Variants in HMG20A observed in about 807,000 individuals in gnomAD.
The protein encoded by HMG20A is high mobility group protein 20A.
In HMG20A, 17 loss-of-function variants were observed where a neutral mutation model predicts 43.9. The ratio of observed to expected loss-of-function variants is 0.39; its 90% confidence interval spans 0.27 to 0.58. The LOEUF is 0.58. Among genes scored for constraint, HMG20A ranks in the 20% least tolerant of loss-of-function variants. HMG20A has a pLI of 0.59. For synonymous variants in HMG20A, 132 were observed against 147.5 expected, an observed-to-expected ratio of 0.89 and a Z score of 0.76; for missense variants, 341 against 438.2, an observed-to-expected ratio of 0.78 and a Z score of 1.98.
chr15:77,489,999 G>A (rs2072964211), downstream of HMG20A, among the ~76,000 whole-genome samples: 1 of 152,124 alleles, frequency 6.6e-6, no homozygotes, highest in African/African-American at 2.4e-5. Flanking sequence ...CTCTAGGCCG[G>A]GCGTGGTGGC....
chr15:77,472,550 A>G (rs1197050331), intron 6 of HMG20A, among the ~76,000 whole-genome samples: 1 of 152,248 alleles, frequency 6.6e-6, no homozygotes, highest in African/African-American at 2.4e-5. Context: ...CTGGGATTAC[A>G]GGCGTGAGCC....
intron 2 of HMG20A, among the ~76,000 whole-genome samples, chr15:77,461,002 A>G (rs2072699832): frequency 6.6e-6 from 1 of 152,168 alleles, no homozygotes; most frequent in Non-Finnish European, 1.5e-5. Context: ...GAAAAAGAAA[A>G]AAAAGTCAGA....
chr15:77,475,201 A>C (rs1456755826), intron 6 of HMG20A, among the ~76,000 whole-genome samples: 1 of 152,122 alleles, frequency 6.6e-6, no homozygotes, highest in Non-Finnish European at 1.5e-5. Flanking sequence ...CCCCAGAAGG[A>C]TCCTCTCCAT....
At chr15:77,467,372 G>C (rs2072766491) in intron 4 of HMG20A, 65 bp downstream of exon 4, 2 of 1,343,560 alleles carry the variant, frequency 1.5e-6, no homozygotes. Context: ...ACTTATATAA[G>C]AAAAGCAAAG....
chr15:77,470,734 A>G (rs1398804765), intron 4 of HMG20A, among the ~76,000 whole-genome samples, 176 bp from the exon 5 acceptor site: 2 of 152,172 alleles, frequency 1.3e-5, no homozygotes, highest in African/African-American at 2.4e-5. Context: ...TATAATTGAG[A>G]GGTTATATTT....
chr15:77,478,906 C>T (rs971424083), intron 8 of HMG20A, among the ~76,000 whole-genome samples: 3 of 152,194 alleles, frequency 2.0e-5, no homozygotes, highest in African/African-American at 7.2e-5. Context: ...TATACTCTTT[C>T]ATTTTGAAGA....
chr15:77,519,023 C>A, the HMG20A span, among the ~76,000 whole-genome samples: 8 of 152,204 alleles, frequency 5.3e-5, no homozygotes, highest in Non-Finnish European at 1.0e-4. Context: ...AATGTCTATA[C>A]CCCATTTCCT....
At chr15:77,450,852 A>G (rs1420430814) in intron 1 of HMG20A, among the ~76,000 whole-genome samples, 1 of 152,168 alleles carries the variant, frequency 6.6e-6, no homozygotes, top group African/African-American at 2.4e-5. Context: ...CATCCTTGCC[A>G]GCATTTGGTG....
At chr15:77,462,811 C>T (rs1481199286) in intron 2 of HMG20A, among the ~76,000 whole-genome samples, 1 of 132,466 alleles carries the variant, frequency 7.5e-6, no homozygotes, top group African/African-American at 2.9e-5. Context: ...CTTACTCTGT[C>T]ACCCAGGTTG....
chr15:77,432,104 T>C (rs930381137), intron 1 of HMG20A, among the ~76,000 whole-genome samples: 24 of 152,236 alleles, frequency 1.6e-4, no homozygotes, highest in African/African-American at 5.5e-4. Context: ...AGTGCAGATA[T>C]CTTTTCAACA....
At chr15:77,424,700 T>C (rs2073407073) in intron 1 of HMG20A, among the ~76,000 whole-genome samples, 1 of 152,198 alleles carries the variant, frequency 6.6e-6, no homozygotes, top group Admixed American at 6.5e-5. Context: ...GCTCACACAG[T>C]TGTCAAGATT....
chr15:77,452,928 TA>T (rs2072617822), intron 1 of HMG20A, among the ~76,000 whole-genome samples: 1 of 152,138 alleles, frequency 6.6e-6, no homozygotes, highest in Non-Finnish European at 1.5e-5. Context: ...AACCCAATTT[TA>T]AAAATGAGCA....
chr15:77,473,900 T>C (rs1456669708), intron 6 of HMG20A, among the ~76,000 whole-genome samples: 1 of 152,236 alleles, frequency 6.6e-6, no homozygotes, highest in Admixed American at 6.5e-5. Context: ...AAAGCTCCTT[T>C]AGTAAGCGTG....
At chr15:77,433,046 T>C (rs995370712) in intron 1 of HMG20A, among the ~76,000 whole-genome samples, 3 of 152,134 alleles carry the variant, frequency 2.0e-5, no homozygotes, top group Non-Finnish European at 4.4e-5. Flanking sequence ...TGAATACTGT[T>C]TTTATCTGTT....
At chr15:77,486,754 C>T (rs2072947597), downstream of HMG20A, among the ~76,000 whole-genome samples, 11 of 152,264 alleles carry the variant, frequency 7.2e-5, no homozygotes, top group South Asian at 2.3e-3. Context: ...TGACATAACA[C>T]GTGCCTCAGC....
intron 1 of HMG20A, among the ~76,000 whole-genome samples, chr15:77,452,962 C>T (rs2072618174): frequency 6.6e-6 from 1 of 152,210 alleles, no homozygotes; most frequent in African/African-American, 2.4e-5. Flanking sequence ...TGTGGTGGCT[C>T]ACGCCTATAA....
At chr15:77,470,829 C>T (rs1433317668) in intron 4 of HMG20A, 81 bp from the exon 5 acceptor site, 7 of 1,223,470 alleles carry the variant, frequency 5.7e-6, no homozygotes, top group Non-Finnish European at 6.6e-6. Context: ...TCTAATTGTC[C>T]TGTTTTCTTC....
chr15:77,481,801 G>C (rs917061262), intron 9 of HMG20A, among the ~76,000 whole-genome samples: 1 of 152,114 alleles, frequency 6.6e-6, no homozygotes, highest in African/African-American at 2.4e-5. Context: ...AACTGTCAAA[G>C]GAAACAATTA....
intron 1 of HMG20A, among the ~76,000 whole-genome samples, chr15:77,457,163 T>C (rs1216900923): frequency 6.6e-6 from 1 of 152,234 alleles, no homozygotes; most frequent in Non-Finnish European, 1.5e-5. Context: ...ATCAGTGTTA[T>C]CTTTTGGAAA....
Sources: allele counts gnomAD v4.1 joint callset (sites outside exome capture counted in the v4.1 genomes callset), GRCh38; gene constraint gnomAD v4.1.1; transcripts MANE v1.5; gene names NCBI Gene and HGNC (gene_info 2026-07-23, HGNC 2026-07-21).